Variants in ADIPOR2 observed in about 807,000 individuals in gnomAD.
ADIPOR2 encodes the protein adiponectin receptor 2, also known as adiponectin receptor protein 2.
A neutral mutation model predicts 40.9 loss-of-function variants in ADIPOR2; 18 were observed. The observed-to-expected ratio is 0.44, with a 90% CI of 0.30 to 0.65. The LOEUF (loss-of-function observed/expected upper bound fraction) is 0.65. Ranked by LOEUF, ADIPOR2 falls within the 30% of genes least tolerant of loss-of-function variation. The pLI is 0.09. For synonymous variants in ADIPOR2, 165 were observed against 166.4 expected (o/e 0.99, Z 0.06); for missense variants, 283 against 479.2 (o/e 0.59, Z 3.82).
intron 1 of ADIPOR2, among the ~76,000 whole-genome samples, chr12:1,715,878 T>G (rs1052735834): frequency 6.6e-6 from 1 of 152,080 alleles, no homozygotes; most frequent in Non-Finnish European, 1.5e-5. Context: ...GACCAATCAG[T>G]GCCCTGTAAA....
rs569397233 is a variant in ADIPOR2 at position 1,726,258 on chromosome 12, C to T, written c.-86-28000C>T. Among the ~76,000 whole-genome samples the T allele has an allele frequency of 2.6e-5, 4 of 152,150 alleles. No homozygotes were observed. In the East Asian group the frequency reaches 7.7e-4, roughly 29 times the overall value. ...TGTCACCCAGGCTGGAGTGCAATGG[C>T]ACCATCTTGGCTCACTGCAACCTCT... On this transcript the variant is annotated intron_variant, in intron 1 of 7. Coordinates refer to ENST00000357103, the MANE Select transcript of ADIPOR2 (RefSeq NM_024551.3).
rs1049775136 is a variant in ADIPOR2 at position 1,714,501 on chromosome 12, A to G, written c.-87+23310A>G. ...AGTATATTTTCTTAAGGCCTCCTGT[A>G]GCCGCTCGAGGAAGGCGGTAGGATT... is the stretch of plus-strand genomic sequence containing the variant. On this transcript the variant is annotated intron_variant, in intron 1 of 7. Transcript: ENST00000357103. Among the ~76,000 whole-genome samples the G allele has an allele frequency of 7.9e-5, 12 of 152,206 alleles. No homozygotes were observed. The South Asian group carries it at 1.2e-3, about 16-fold the overall frequency.
intron 1 of ADIPOR2, among the ~76,000 whole-genome samples, chr12:1,739,102 G>A (rs187966190): frequency 1.1e-3 from 169 of 152,250 alleles, no homozygotes; most frequent in African/African-American, 3.5e-3. Context: ...GGAATTTTAA[G>A]TCAAAGAACA....
intron 2 of ADIPOR2, among the ~76,000 whole-genome samples, chr12:1,759,407 A>G (rs1251305788): frequency 6.6e-6 from 1 of 152,222 alleles, no homozygotes; most frequent in African/African-American, 2.4e-5. Context: ...TGGCATTCAC[A>G]TGCCAATCAT....
intron 3 of ADIPOR2, among the ~76,000 whole-genome samples, chr12:1,775,558 G>T (rs766793042): frequency 2.0e-5 from 3 of 152,216 alleles, no homozygotes; most frequent in Non-Finnish European, 4.4e-5. Flanking sequence ...TCTTTTGTCT[G>T]TGTGGGGTAG....
At chr12:1,764,558 AACACACAC>A (rs59660682) in intron 2 of ADIPOR2, among the ~76,000 whole-genome samples, 100 of 119,084 alleles carry the variant, frequency 8.4e-4, no homozygotes, top group East Asian at 3.6e-3. Flanking sequence ...TAAAGTATTA[AACACACAC>A]ACACACACAC....
At chr12:1,699,737 G>A (rs946585243) in intron 1 of ADIPOR2, among the ~76,000 whole-genome samples, 1 of 152,200 alleles carries the variant, frequency 6.6e-6, no homozygotes, top group African/African-American at 2.4e-5. Flanking sequence ...AGTTAAATAG[G>A]ACGAACTGAT....
chr12:1,695,540 G>A (rs1041188914), intron 1 of ADIPOR2, among the ~76,000 whole-genome samples: 2 of 151,686 alleles, frequency 1.3e-5, no homozygotes, highest in Non-Finnish European at 2.9e-5. Context: ...GCGCGCGCCT[G>A]TAATCCCAAC....
In ADIPOR2 at chr12:1,778,199, A is replaced by G. The variant is rs188684639; in HGVS notation, c.463+174A>G. 3.4e-3 allele frequency: 2,355 copies of G among 702,400 alleles called. 11 individuals are homozygous for G. Among genetic ancestry groups the G allele is most frequent in the Non-Finnish European group, 4.6e-3 (2,165 of 466,190 alleles). The allele number at this position is 702,400 out of a possible 1,614,324, so 43.5% of individuals were successfully genotyped here. A position where few individuals can be genotyped will look rare whatever the true frequency, so the allele number is the denominator to read the frequency against. Reference sequence around the variant, plus strand: ...TTACTCGTAGTTTATCCTGGTTTGCACTATGATTTTGTTATAACTTAAGTT... The same window carrying G: ...TTACTCGTAGTTTATCCTGGTTTGCGCTATGATTTTGTTATAACTTAAGTT... On this transcript the variant is annotated intron_variant, in intron 4 of 7. Transcript: ENST00000357103.
chr12:1,708,232 G>T (rs1397574897), intron 1 of ADIPOR2, among the ~76,000 whole-genome samples: 1 of 150,068 alleles, frequency 6.7e-6, no homozygotes, highest in East Asian at 1.9e-4. Context: ...TCGAATTTTG[G>T]TGTTCAGTTT....
intron 2 of ADIPOR2, among the ~76,000 whole-genome samples, chr12:1,760,061 A>G (rs1862235279): frequency 6.6e-6 from 1 of 151,766 alleles, no homozygotes. Context: ...AACAAAAAAA[A>G]CAACCTCCTT....
intron 1 of ADIPOR2, among the ~76,000 whole-genome samples, chr12:1,733,147 G>C (rs1016674764): frequency 1.3e-5 from 2 of 152,100 alleles, no homozygotes; most frequent in Non-Finnish European, 2.9e-5. Flanking sequence ...CTTTTCACTG[G>C]TTCTTTGAAG....
intron 2 of ADIPOR2, chr12:1,758,076 T>C (rs1190453945): frequency 3.4e-6 from 2 of 591,500 alleles, no homozygotes; most frequent in Admixed American, 2.9e-5. Context: ...CCCAATCACT[T>C]TTGTGTCAGA....
At chr12:1,702,442 G>A (rs779098490) in intron 1 of ADIPOR2, among the ~76,000 whole-genome samples, 2 of 152,066 alleles carry the variant, frequency 1.3e-5, no homozygotes, top group Non-Finnish European at 2.9e-5. Context: ...GCCATCTTCC[G>A]ATTGTTATGA....
chr12:1,694,685 T>A (rs1469104607), intron 1 of ADIPOR2, among the ~76,000 whole-genome samples: 1 of 152,228 alleles, frequency 6.6e-6, no homozygotes, highest in East Asian at 1.9e-4. Context: ...TGCGCTAGTT[T>A]CCAGTTTTCA....
Position 1,764,438 on chromosome 12 carries a change from G to T in ADIPOR2, c.172-8404G>T, listed in dbSNP as rs1862331403. On this transcript the variant is annotated intron_variant, in intron 2 of 7. Transcript: ENST00000357103. ...TAGTTTGGTAAAAGGAAAAAAGCAG[G>T]GTTTTGTACTCAGAGTGACCTAAAT... is the stretch of plus-strand genomic sequence containing the variant. Among the ~76,000 whole-genome samples the T allele has an allele frequency of 2.0e-5, 3 of 152,014 alleles. No individual in the cohort carries two copies. In the South Asian group the frequency reaches 6.2e-4, roughly 32 times the overall value.
At chr12:1,781,145 G>T in intron 6 of ADIPOR2, 69 bp downstream of exon 6, 1 of 1,427,044 alleles carries the variant, frequency 7.0e-7, no homozygotes, top group Non-Finnish European at 9.4e-7. Context: ...ATTTATTAAA[G>T]TTCTACCATT....
In ADIPOR2 at chr12:1,732,698, A is replaced by C. The variant is rs2094722894; in HGVS notation, c.-86-21560A>C. 2.6e-5 allele frequency among the ~76,000 whole-genome samples: 4 copies of C among 152,116 alleles called. No individual in the cohort carries two copies. In the South Asian group the frequency reaches 8.3e-4, roughly 31 times the overall value. ...GTATGCCTTTCTAACTTTTGTATTT[A>C]TGCATACACTTTTATATAGTTGTAA... is the stretch of plus-strand genomic sequence containing the variant. On this transcript the variant is annotated intron_variant, in intron 1 of 7. Coordinates refer to ENST00000357103, the MANE Select transcript of ADIPOR2 (RefSeq NM_024551.3).
intron 1 of ADIPOR2, among the ~76,000 whole-genome samples, chr12:1,710,492 T>C (rs771831811): frequency 1.3e-5 from 2 of 151,998 alleles, no homozygotes; most frequent in Non-Finnish European, 2.9e-5. Flanking sequence ...TATTTTTCCT[T>C]ACAATTCAGG....
Sources: gnomAD v4.1 joint callset for allele counts (sites outside exome capture counted in the v4.1 genomes callset) on GRCh38, gnomAD v4.1.1 for gene constraint, MANE v1.5 for transcripts, NCBI Gene and HGNC (gene_info 2026-07-23, HGNC 2026-07-21) for gene names.